The following NMNAT3 variants were observed in gnomAD, a reference collection of about 807,000 sequenced individuals.
The protein encoded by NMNAT3 is nicotinamide nucleotide adenylyltransferase 3, also known as nicotinamide/nicotinic acid mononucleotide adenylyltransferase 3.
NMNAT3 carries 21 observed loss-of-function variants against 24.8 expected under a neutral mutation model. That is an observed-to-expected ratio of 0.85 (90% CI 0.60 to 1.22). NMNAT3 has a LOEUF of 1.22. Among genes scored for constraint, NMNAT3 ranks in the 50% most tolerant of loss-of-function variants. The probability of loss-of-function intolerance (pLI) is 0.00; values close to 1 mark genes in which losing one functional copy is unlikely to be tolerated. For synonymous variants in NMNAT3, 136 were observed against 155.2 expected (o/e 0.88, Z 0.92); for missense variants, 387 against 436.6 (o/e 0.89, Z 1.01).
chr3:139,657,499 G>T (rs1477935528), intron 1 of NMNAT3, among the ~76,000 whole-genome samples: 3 of 152,180 alleles, frequency 2.0e-5, no homozygotes, highest in African/African-American at 7.2e-5. Context: ...CATCTTAGGA[G>T]GTGTGTAGTG....
At chr3:139,656,888 TAAATC>T (rs1282883474) in intron 1 of NMNAT3, among the ~76,000 whole-genome samples, 4 of 152,228 alleles carry the variant, frequency 2.6e-5, no homozygotes, top group Non-Finnish European at 4.4e-5. Flanking sequence ...ATGACAATAA[TAAATC>T]AAGCATAACA....
intron 1 of NMNAT3, among the ~76,000 whole-genome samples, chr3:139,638,782 A>T (rs2056597162): frequency 6.6e-6 from 1 of 152,166 alleles, no homozygotes. Context: ...ACACACATCA[A>T]CATGCTGATT....
chr3:139,581,951 T>C (rs1174886341), intron 4 of NMNAT3, among the ~76,000 whole-genome samples: 1 of 151,820 alleles, frequency 6.6e-6, no homozygotes, highest in East Asian at 1.9e-4. Context: ...TCCCAGCACT[T>C]TGGGAGGCCG....
chr3:139,591,534 A>C (rs1490314396), intron 3 of NMNAT3, among the ~76,000 whole-genome samples: 1 of 151,986 alleles, frequency 6.6e-6, no homozygotes, highest in Admixed American at 6.5e-5. Context: ...ACAAACAAAA[A>C]GACAGCAGTA....
At chr3:139,645,751 T>C (rs1013187247) in intron 1 of NMNAT3, among the ~76,000 whole-genome samples, 1 of 152,176 alleles carries the variant, frequency 6.6e-6, no homozygotes, top group African/African-American at 2.4e-5. Context: ...CTGAGGAGTA[T>C]AGTTTTTTTT....
chr3:139,573,725 C>T, intron 5 of NMNAT3, 45 bp from the exon 6 acceptor site: 1 of 1,097,190 alleles, frequency 9.1e-7, no homozygotes, highest in Non-Finnish European at 1.3e-6. Flanking sequence ...GTCCTCCAGC[C>T]CTCAAAGCCA....
intron 2 of NMNAT3, chr3:139,635,729 T>C (rs78804986): frequency 0.02 from 3,002 of 152,338 alleles, 112 homozygotes; most frequent in African/African-American, 0.069. Context: ...TCTGGTAGGA[T>C]AAAGTTTGCT....
chr3:139,644,534 T>TA (rs1221817869), intron 1 of NMNAT3, among the ~76,000 whole-genome samples: 2 of 152,174 alleles, frequency 1.3e-5, no homozygotes, highest in African/African-American at 4.8e-5. Context: ...AGAGGTAATT[T>TA]AACCCTGGAG....
intron 5 of NMNAT3, among the ~76,000 whole-genome samples, chr3:139,578,458 T>C (rs1433856975): frequency 6.6e-6 from 1 of 152,234 alleles, no homozygotes; most frequent in Non-Finnish European, 1.5e-5. Context: ...AATATTATTA[T>C]GTAGTTCTGG....
At chr3:139,598,269 G>A (rs1031276459) in intron 3 of NMNAT3, among the ~76,000 whole-genome samples, 65 of 152,272 alleles carry the variant, frequency 4.3e-4, no homozygotes, top group African/African-American at 1.5e-3. Context: ...CCATTGAGAG[G>A]TGAAGTCTGT....
intron 5 of NMNAT3, chr3:139,576,262 T>C: frequency 1.0e-6 from 1 of 982,358 alleles, no homozygotes; most frequent in Non-Finnish European, 1.2e-6. Flanking sequence ...TTTTGATAAT[T>C]TTCGGAAAGT....
At chr3:139,601,670 T>G (rs1290692607) in intron 3 of NMNAT3, among the ~76,000 whole-genome samples, 1 of 152,066 alleles carries the variant, frequency 6.6e-6, no homozygotes, top group Admixed American at 6.6e-5. Context: ...GAAATAAATA[T>G]GATGGGAGCC....
At chr3:139,597,231 G>C (rs2054525417) in intron 3 of NMNAT3, among the ~76,000 whole-genome samples, 1 of 151,750 alleles carries the variant, frequency 6.6e-6, no homozygotes, top group African/African-American at 2.4e-5. Context: ...CTTCTGTGGG[G>C]ATGCTTTTGA....
intron 3 of NMNAT3, among the ~76,000 whole-genome samples, chr3:139,596,725 A>G (rs894692560): frequency 2.6e-5 from 4 of 151,722 alleles, no homozygotes; most frequent in African/African-American, 7.3e-5. Flanking sequence ...CGGAAAGCCA[A>G]TCAATAAATG....
intron 3 of NMNAT3, among the ~76,000 whole-genome samples, chr3:139,614,002 G>C (rs1191659526): frequency 1.3e-5 from 2 of 151,954 alleles, no homozygotes; most frequent in Non-Finnish European, 2.9e-5. Flanking sequence ...TGGGGGAAGG[G>C]GGGAGGGATA....
At chr3:139,655,479 G>GAGGCCACAGCTA (rs1162402821) in intron 1 of NMNAT3, among the ~76,000 whole-genome samples, 1 of 152,188 alleles carries the variant, frequency 6.6e-6, no homozygotes, top group Non-Finnish European at 1.5e-5. Flanking sequence ...CCCTCTCTTT[G>GAGGCCACAGCTA]AGGCCACAGC....
At chr3:139,564,279 A>G (rs912122682) in intron 6 of NMNAT3, among the ~76,000 whole-genome samples, 1 of 152,244 alleles carries the variant, frequency 6.6e-6, no homozygotes. Flanking sequence ...CCTCACAGAC[A>G]CACTCAGAAA....
chr3:139,675,905 G>T (rs1438345373), intron 1 of NMNAT3, among the ~76,000 whole-genome samples: 1 of 152,196 alleles, frequency 6.6e-6, no homozygotes, highest in Non-Finnish European at 1.5e-5. Flanking sequence ...CCAACGATAT[G>T]CTAAGCACCT....
At chr3:139,574,879 G>C (rs1315454891) in intron 5 of NMNAT3, among the ~76,000 whole-genome samples, 4 of 152,312 alleles carry the variant, frequency 2.6e-5, no homozygotes, top group African/African-American at 9.6e-5. Flanking sequence ...TCAGTGTTAA[G>C]TTCTAGAATT....
Sources: gnomAD v4.1 joint callset for allele counts (sites outside exome capture counted in the v4.1 genomes callset) on GRCh38, gnomAD v4.1.1 for gene constraint, MANE v1.5 for transcripts, NCBI Gene and HGNC (gene_info 2026-07-23, HGNC 2026-07-21) for gene names.